The following PPEF2 variants were observed in gnomAD, a reference collection of about 807,000 sequenced individuals.
PPEF2 encodes the protein protein phosphatase with EF-hand domain 2, also known as serine/threonine-protein phosphatase with EF-hands 2.
A neutral mutation model predicts 84.7 loss-of-function variants in PPEF2; 84 were observed. That is an observed-to-expected ratio of 0.99 (90% confidence interval 0.83 to 1.19). The LOEUF is 1.19. PPEF2 is among the 50% of genes most tolerant of loss of function. PPEF2 has a pLI of 0.00. For missense variants in PPEF2, 924 were observed against 937.5 expected, an observed-to-expected ratio of 0.99 and a Z score of 0.19; for synonymous variants, 346 against 345.2, an observed-to-expected ratio of 1.00 and a Z score of -0.03.
intron 2 of PPEF2, 64 bp downstream of exon 2, chr4:75,896,207 C>T (rs1725005305): frequency 1.3e-6 from 2 of 1,553,772 alleles, no homozygotes; most frequent in African/African-American, 2.7e-5. Context: ...GAACCCCCAA[C>T]CCTCTCCATG....
intron 16 of PPEF2, among the ~76,000 whole-genome samples, chr4:75,863,911 C>T (rs1724067567): frequency 6.7e-6 from 1 of 149,128 alleles, no homozygotes; most frequent in African/African-American, 2.5e-5. Context: ...CTCACTCTGT[C>T]GCCGAGGCTG....
intron 2 of PPEF2, 133 bp from the exon 3 acceptor site, chr4:75,892,111 A>T: frequency 1.7e-6 from 2 of 1,149,278 alleles, no homozygotes; most frequent in South Asian, 3.2e-5. Context: ...AGCACTACCC[A>T]TTGACGCCCA....
chr4:75,883,485 C>A, intron 8 of PPEF2: 1 of 393,538 alleles, frequency 2.5e-6, no homozygotes. Context: ...AAAACAAATT[C>A]AATGGTTTCA....
intron 13 of PPEF2, among the ~76,000 whole-genome samples, chr4:75,870,784 A>G (rs1724249548): frequency 6.6e-6 from 1 of 152,160 alleles, no homozygotes; most frequent in South Asian, 2.1e-4. Flanking sequence ...TATCTGTTGC[A>G]TAAATTTACT....
At chr4:75,866,410 T>A (rs1724132807) in intron 14 of PPEF2, 58 bp from the exon 15 acceptor site, 1 of 1,584,362 alleles carries the variant, frequency 6.3e-7, no homozygotes, top group Non-Finnish European at 8.6e-7. Flanking sequence ...TCCTGCCCAA[T>A]GGTGTGTATA....
intron 2 of PPEF2, among the ~76,000 whole-genome samples, chr4:75,895,743 A>ATT (rs36116517): frequency 4.0e-5 from 6 of 149,944 alleles, no homozygotes; most frequent in South Asian, 2.1e-4. Context: ...AAAAAAAAAA[A>ATT]TTTTTTTTTT....
At position 75,891,684 on chromosome 4, in the gene PPEF2, G is replaced by T. The variant is rs1724887853; in HGVS notation, c.205C>A (p.Leu69Ile). 1 of 1,611,792 alleles carries T rather than the reference G, an allele frequency of 6.2e-7. No individual in the cohort carries two copies. The highest frequency in any genetic ancestry group is 1.7e-5 in the Admixed American group (1 of 59,526). The change falls in exon 4 of 17, where the codon CTC (leucine) becomes ATC (isoleucine). Residue 69 changes from leucine to isoleucine, a missense_variant. Coordinates refer to ENST00000286719, the MANE Select transcript of PPEF2 (RefSeq NM_006239.3). The part of the protein sequence containing the change: ...QVKLHDFFSY[L>I]MDHFIPSSHN... ...CTGCTGGGGATGAAGTGATCCATGA[G>T]ATAGCTGAAGAAGTCATGGAGCTGC...
At chr4:75,864,119 T>A (rs1449028319) in intron 16 of PPEF2, among the ~76,000 whole-genome samples, 1 of 152,106 alleles carries the variant, frequency 6.6e-6, no homozygotes, top group Non-Finnish European at 1.5e-5. Flanking sequence ...GTGATTCACC[T>A]GCCTCAGCCT....
At chr4:75,876,172 T>TG (rs1724400490) in intron 11 of PPEF2, 115 bp downstream of exon 11, 1 of 1,193,646 alleles carries the variant, frequency 8.4e-7, no homozygotes, top group African/African-American at 2.6e-5. Flanking sequence ...TCTGGGGTGT[T>TG]GTTACCCCAG....
chr4:75,878,067 GA>G (rs1287069995), intron 10 of PPEF2, among the ~76,000 whole-genome samples: 1 of 152,190 alleles, frequency 6.6e-6, no homozygotes, highest in African/African-American at 2.4e-5. Flanking sequence ...TGCTGCAGAG[GA>G]GGCAGCACTT....
At chr4:75,870,966 G>A (rs934469492) in intron 13 of PPEF2, among the ~76,000 whole-genome samples, 2 of 138,168 alleles carry the variant, frequency 1.4e-5, no homozygotes, top group Non-Finnish European at 3.0e-5. Flanking sequence ...GCCCAGGCTG[G>A]AGTGCAGTGG....
Position 75,876,628 on chromosome 4 carries a change from G to T in PPEF2, c.979C>A (p.Gln327Lys). ...RCKTRQKSEK[Q>K]MEEKRRANQK... ...TTGGCTCTTCTCTTCTCCTCCATCT[G>T]CTTCTCACTCTTCTGTCTCGTTTTG... The change falls in exon 11 of 17, where the codon CAG becomes AAG. Residue 327 changes from glutamine (Q) to lysine (K), a missense_variant. Coordinates refer to ENST00000286719, the MANE Select transcript of PPEF2 (RefSeq NM_006239.3). The T allele has an allele frequency of 6.3e-7, 1 of 1,589,812 alleles. No individual in the cohort carries two copies. Among genetic ancestry groups the T allele is most frequent in the East Asian group, 2.2e-5 (1 of 44,534 alleles).
intron 7 of PPEF2, among the ~76,000 whole-genome samples, chr4:75,885,034 C>T (rs1355686695): frequency 2.0e-5 from 3 of 152,110 alleles, no homozygotes; most frequent in Non-Finnish European, 1.5e-5. Flanking sequence ...ACTTGTGATC[C>T]AAAGGCCAGT....
At chr4:75,863,303 A>G (rs556713732) in intron 16 of PPEF2, among the ~76,000 whole-genome samples, 53 of 149,296 alleles carry the variant, frequency 3.5e-4, no homozygotes, top group African/African-American at 1.2e-3. Flanking sequence ...CATCCTGGCT[A>G]ACATGGTGAA....
Position 75,860,543 on chromosome 4 carries a change from T to C in PPEF2, c.*124A>G. On this transcript the variant is annotated 3_prime_UTR_variant, in exon 17 of 17. Coordinates refer to ENST00000286719, the MANE Select transcript of PPEF2 (RefSeq NM_006239.3). ...CCTCCACACTGAAATACACAGGTGA[T>C]TCTGATGCATATGGATAGGTAAATT... The C allele has an allele frequency of 7.9e-7, 1 of 1,261,086 alleles. No homozygotes were observed. The highest frequency in any genetic ancestry group is 1.1e-6 in the Non-Finnish European group (1 of 910,700). The allele number at this position is 1,261,086 out of a possible 1,614,324, so 78.1% of individuals were successfully genotyped here.
rs1430738714 is a variant in PPEF2 at position 75,883,147 on chromosome 4, G to C, written c.783+19C>G. On this transcript the variant is annotated intron_variant, in intron 9 of 16. Transcript: ENST00000286719. Reference sequence around the variant, plus strand: ...CTTATCTGAACTGAGAGAAACTTTTGTCTTTAAAGGCAGCGCACCTTGTAT... The same window carrying C: ...CTTATCTGAACTGAGAGAAACTTTTCTCTTTAAAGGCAGCGCACCTTGTAT... 6.2e-7 allele frequency: 1 copy of C among 1,613,748 alleles called. No individual in the cohort carries two copies.
At chr4:75,874,898 CTTTCT>C (rs1216947876) in intron 11 of PPEF2, among the ~76,000 whole-genome samples, 44 of 146,856 alleles carry the variant, frequency 3.0e-4, no homozygotes, top group African/African-American at 1.0e-3. Context: ...GAATTTCTTT[CTTTCT>C]TTTTTTTTTT....
intron 6 of PPEF2, 54 bp downstream of exon 6, chr4:75,888,160 T>TA (rs1724778955): frequency 7.5e-7 from 1 of 1,340,156 alleles, no homozygotes; most frequent in Non-Finnish European, 1.1e-6. Flanking sequence ...CCCACACAGG[T>TA]AGAGCATTCT....
At chr4:75,900,740 C>T (rs758383062) in intron 1 of PPEF2, among the ~76,000 whole-genome samples, 2 of 152,134 alleles carry the variant, frequency 1.3e-5, no homozygotes, top group Non-Finnish European at 1.5e-5. Context: ...TTCTTCTCCT[C>T]CTCAGATAAA....
Sources: allele counts gnomAD v4.1 joint callset (sites outside exome capture counted in the v4.1 genomes callset), GRCh38; gene constraint gnomAD v4.1.1; transcripts MANE v1.5; gene names NCBI Gene and HGNC (gene_info 2026-07-23, HGNC 2026-07-21).